The following VPS13B variants were observed in gnomAD, a reference collection of about 807,000 sequenced individuals.
VPS13B encodes the protein intermembrane lipid transfer protein VPS13B.
In VPS13B, 285 loss-of-function variants were observed where a neutral mutation model predicts 426.4. The observed-to-expected ratio is 0.67, with a 90% CI of 0.61 to 0.74. VPS13B has a LOEUF of 0.74. Ranked by LOEUF, VPS13B falls within the 30% of genes least tolerant of loss-of-function variation. The pLI, the probability that VPS13B is intolerant of heterozygous loss-of-function variation, is 0.00. For missense variants in VPS13B, 4,537 were observed against 4,782.6 expected, an observed-to-expected ratio of 0.95 and a Z score of 1.51; for synonymous variants, 1,676 against 1,676.4, an observed-to-expected ratio of 1.00 and a Z score of 0.01.
chr8:99,689,537 G>A (rs766790445), intron 35 of VPS13B, among the ~76,000 whole-genome samples: 16 of 152,104 alleles, frequency 1.1e-4, no homozygotes, highest in South Asian at 2.1e-4. Flanking sequence ...AAAAGTTAGC[G>A]CTTGGCACAG....
intron 48 of VPS13B, 42 bp downstream of exon 48, chr8:99,819,624 C>T (rs551604119): frequency 5.0e-6 from 8 of 1,597,298 alleles, no homozygotes; most frequent in Non-Finnish European, 6.0e-6. Flanking sequence ...AATTTCTCAA[C>T]ATTAACAAAT....
intron 19 of VPS13B, among the ~76,000 whole-genome samples, chr8:99,307,686 C>T (rs1820717219): frequency 6.6e-6 from 1 of 151,890 alleles, no homozygotes; most frequent in Non-Finnish European, 1.5e-5. Context: ...AACCGACCAT[C>T]GATTTTGTTT....
chr8:99,407,360 T>C (rs1262429497), intron 21 of VPS13B, among the ~76,000 whole-genome samples: 3 of 152,202 alleles, frequency 2.0e-5, no homozygotes, highest in Admixed American at 6.5e-5. Context: ...TAGCTTCTTT[T>C]TCATAGTCAT....
chr8:99,038,364 T>C, intron 2 of VPS13B, 59 bp from the exon 3 acceptor site: 1 of 1,369,572 alleles, frequency 7.3e-7, no homozygotes, highest in Non-Finnish European at 9.9e-7. Context: ...GAAATTTGCA[T>C]ATTATAATAA....
chr8:99,135,169 A>T (rs1267186378), intron 10 of VPS13B, 32 bp downstream of exon 10: 1 of 1,611,858 alleles, frequency 6.2e-7, no homozygotes, highest in East Asian at 2.2e-5. Context: ...TTTTTTGGAT[A>T]GGATATAGGA....
intron 29 of VPS13B, among the ~76,000 whole-genome samples, chr8:99,512,956 C>A (rs1821870911): frequency 6.6e-6 from 1 of 150,688 alleles, no homozygotes; most frequent in African/African-American, 2.4e-5. Flanking sequence ...TTGCAGTGAG[C>A]CAAGATAGTG....
chr8:99,837,069 C>T (rs1381478825), intron 54 of VPS13B, among the ~76,000 whole-genome samples: 1 of 152,206 alleles, frequency 6.6e-6, no homozygotes, highest in African/African-American at 2.4e-5. Flanking sequence ...CATTTTTTCT[C>T]ATCTCTCAAG....
chr8:99,017,681 C>T (rs181464225), intron 2 of VPS13B, among the ~76,000 whole-genome samples: 45 of 151,876 alleles, frequency 3.0e-4, no homozygotes, highest in Admixed American at 1.4e-3. Flanking sequence ...TTAGTAGAGA[C>T]GGGGTTTCAC....
At chr8:99,264,835 T>C (rs1818222818) in intron 17 of VPS13B, among the ~76,000 whole-genome samples, 1 of 152,146 alleles carries the variant, frequency 6.6e-6, no homozygotes, top group African/African-American at 2.4e-5. Flanking sequence ...CCCCATTTTC[T>C]TTTAATAGTT....
At chr8:99,367,411 G>C (rs1167099581) in intron 19 of VPS13B, among the ~76,000 whole-genome samples, 1 of 151,992 alleles carries the variant, frequency 6.6e-6, no homozygotes, top group East Asian at 1.9e-4. Context: ...CTTTTCTATT[G>C]CTTTTAGGAT....
intron 8 of VPS13B, among the ~76,000 whole-genome samples, chr8:99,124,495 A>G (rs1848095424): frequency 1.3e-5 from 2 of 152,184 alleles, no homozygotes; most frequent in South Asian, 4.1e-4. Context: ...CTATTCAGTG[A>G]TCTCCCAAAA....
rs1009046470 is a variant in VPS13B, at chr8:99,058,268, G to A, written c.291+19702G>A. Among the ~76,000 whole-genome samples, 29 of 150,894 alleles carry A rather than the reference G, an allele frequency of 1.9e-4. 1 individual carries two copies. The highest frequency in any genetic ancestry group is 8.4e-4 in the South Asian group (4 of 4,770). On this transcript the variant is annotated intron_variant, in intron 3 of 61. Coordinates refer to ENST00000357162, the MANE Select transcript of VPS13B (RefSeq NM_152564.5). ...AATGTAGCTGTCTTCTCTTAAGTCA[G>A]ATTTAAAAAAAAATATAATGCCCCC...
intron 19 of VPS13B, among the ~76,000 whole-genome samples, chr8:99,361,130 C>T (rs948703472): frequency 2.0e-5 from 3 of 152,154 alleles, no homozygotes; most frequent in Non-Finnish European, 4.4e-5. Flanking sequence ...ATACCTGGCA[C>T]ATGGTAATAA....
intron 23 of VPS13B, among the ~76,000 whole-genome samples, chr8:99,452,904 T>A (rs1278140880): frequency 1.3e-5 from 2 of 152,214 alleles, no homozygotes; most frequent in Non-Finnish European, 2.9e-5. Flanking sequence ...AGGGAGCACT[T>A]GCAGTGAGCC....
chr8:99,677,080 C>A (rs541956639), intron 35 of VPS13B, among the ~76,000 whole-genome samples: 1 of 152,246 alleles, frequency 6.6e-6, no homozygotes, highest in African/African-American at 2.4e-5. Context: ...CGTGTCATTG[C>A]ACTTCAGCCT....
chr8:99,871,355 T>C (rs750210365), intron 60 of VPS13B, 93 bp from the exon 61 acceptor site: 574 of 1,596,118 alleles, frequency 3.6e-4, no homozygotes, highest in Non-Finnish European at 4.8e-4. Context: ...CCTTTGCCCT[T>C]GTGGAGGTTG....
At position 99,589,560 on chromosome 8, in the gene VPS13B, A is replaced by G. The variant is rs536895479; in HGVS notation, c.5220+11927A>G. ...TCATCTTTTTTTATGGCTGCATAGG[A>G]TTCCATGGTGTATATGTGCCACATT... On this transcript the variant is annotated intron_variant, in intron 33 of 61. Coordinates refer to ENST00000357162, the MANE Select transcript of VPS13B (RefSeq NM_152564.5). 2.6e-5 allele frequency among the ~76,000 whole-genome samples: 4 copies of G among 151,846 alleles called. No homozygotes were observed. In the East Asian group the frequency reaches 7.7e-4, roughly 29 times the overall value.
At chr8:99,200,897 A>G (rs1322267896) in intron 17 of VPS13B, among the ~76,000 whole-genome samples, 1 of 151,918 alleles carries the variant, frequency 6.6e-6, no homozygotes, top group Non-Finnish European at 1.5e-5. Context: ...CCTCAAGTAC[A>G]TCTTCTTTAC....
At chr8:99,664,563 C>G (rs1034033071) in intron 35 of VPS13B, among the ~76,000 whole-genome samples, 1 of 151,808 alleles carries the variant, frequency 6.6e-6, no homozygotes, top group East Asian at 1.9e-4. Context: ...TGAGAACATG[C>G]GGTGTTTGGG....
Sources: allele counts gnomAD v4.1 joint callset (sites outside exome capture counted in the v4.1 genomes callset), GRCh38; gene constraint gnomAD v4.1.1; transcripts MANE v1.5; gene names NCBI Gene and HGNC (gene_info 2026-07-23, HGNC 2026-07-21).